The following RASSF3 variants were observed in gnomAD, a reference collection of about 807,000 sequenced individuals.
RASSF3 encodes Ras association domain family member 3, also known as ras association domain-containing protein 3.
In RASSF3, 19 loss-of-function variants were observed where a neutral mutation model predicts 19.9. That is an observed-to-expected ratio of 0.96 (90% CI 0.67 to 1.40). The LOEUF is 1.40. Ranked by LOEUF, RASSF3 falls within the 40% of genes most tolerant of loss-of-function variation. The probability of loss-of-function intolerance (pLI) is 0.00; values close to 1 mark genes in which losing one functional copy is unlikely to be tolerated. For missense variants in RASSF3, 306 were observed against 289.8 expected, an observed-to-expected ratio of 1.06 and a Z score of -0.41; for synonymous variants, 110 against 104.2, an observed-to-expected ratio of 1.06 and a Z score of -0.34.
intron 1 of RASSF3, among the ~76,000 whole-genome samples, chr12:64,622,115 A>G (rs774995566): frequency 6.6e-6 from 1 of 151,882 alleles, no homozygotes; most frequent in Non-Finnish European, 1.5e-5. Flanking sequence ...CAGTGGCGCG[A>G]TCTTGGCTCA....
At chr12:64,541,498 G>T in intron 1 of RASSF3, 1 of 397,382 alleles carries the variant, frequency 2.5e-6, no homozygotes, top group Non-Finnish European at 4.4e-6. Context: ...GAGCAGGGGA[G>T]GGGGTTCAAT....
intron 2 of RASSF3, among the ~76,000 whole-genome samples, chr12:64,595,306 G>C (rs370297459): frequency 3.3e-5 from 5 of 152,072 alleles, no homozygotes; most frequent in African/African-American, 1.2e-4. Flanking sequence ...GACCTCAAGT[G>C]ATCAGCCCGC....
chr12:64,685,016 T>C, intron 2 of RASSF3, 122 bp downstream of exon 2: 2 of 632,210 alleles, frequency 3.2e-6, no homozygotes, highest in South Asian at 3.7e-5. Context: ...AGTCAAGGTA[T>C]ACAGAACAGG....
downstream of RASSF3, among the ~76,000 whole-genome samples, chr12:64,541,890 T>C (rs1394594047): frequency 6.6e-6 from 1 of 152,220 alleles, no homozygotes; most frequent in African/African-American, 2.4e-5. Context: ...TCTTGGGTTA[T>C]AATTTTAGAA....
At position 64,508,017 on chromosome 12, in the gene RASSF3, C is replaced by A. The variant is rs548611784; in HGVS notation, c.169+688C>A. On this transcript the variant is annotated intron_variant, in intron 1 of 5. Transcript: ENST00000637125. ...ACTCTGCAGCACTGGTTGTACTACT[C>A]ACACTACTGTAAGCCAATTCTCTCA... 1.4e-4 allele frequency among the ~76,000 whole-genome samples: 22 copies of A among 152,286 alleles called. 1 individual carries two copies. The highest frequency in any genetic ancestry group is 4.2e-4 in the South Asian group (2 of 4,818).
intron 4 of RASSF3, 142 bp downstream of exon 4, chr12:64,691,721 G>C: frequency 1.6e-6 from 1 of 626,106 alleles, no homozygotes; most frequent in South Asian, 1.9e-5. Flanking sequence ...GAAGAGAGTT[G>C]GAGGGCAGGG....
At chr12:64,542,016 T>G (rs955721608), downstream of RASSF3, among the ~76,000 whole-genome samples, 1 of 152,178 alleles carries the variant, frequency 6.6e-6, no homozygotes, top group African/African-American at 2.4e-5. Context: ...ACAGACATAC[T>G]TCCTGCTGCG....
At chr12:64,576,070 G>A (rs931986372) in intron 2 of RASSF3, among the ~76,000 whole-genome samples, 65 of 151,962 alleles carry the variant, frequency 4.3e-4, no homozygotes, top group African/African-American at 1.6e-3. Flanking sequence ...TATATTTTTA[G>A]TAGAGACAGG....
intron 1 of RASSF3, among the ~76,000 whole-genome samples, chr12:64,641,378 A>G (rs1871511212): frequency 6.8e-6 from 1 of 146,228 alleles, no homozygotes; most frequent in African/African-American, 2.5e-5. Flanking sequence ...CCTGGGTGAC[A>G]GAGTGAGACC....
At chr12:64,665,942 A>T (rs949925921) in intron 1 of RASSF3, among the ~76,000 whole-genome samples, 23 of 152,232 alleles carry the variant, frequency 1.5e-4, no homozygotes, top group African/African-American at 5.5e-4. Flanking sequence ...AGATATAGTG[A>T]AGTGTTCTAT....
chr12:64,608,927 C>T (rs922672127), upstream of RASSF3, among the ~76,000 whole-genome samples: 12 of 152,250 alleles, frequency 7.9e-5, no homozygotes, highest in South Asian at 4.1e-4. Flanking sequence ...AGCTGTGTGG[C>T]CGAGAAGAAG....
intron 2 of RASSF3, among the ~76,000 whole-genome samples, chr12:64,580,748 C>T (rs1869681301): frequency 6.6e-6 from 1 of 152,088 alleles, no homozygotes; most frequent in Non-Finnish European, 1.5e-5. Flanking sequence ...CCCTGGCTTG[C>T]AGCTGTATCA....
chr12:64,653,959 G>A (rs1051730911), intron 1 of RASSF3: 1 of 152,322 alleles, frequency 6.6e-6, no homozygotes, highest in Non-Finnish European at 1.5e-5. Flanking sequence ...CCGGGTTGGT[G>A]GTGGGCTGTT....
At chr12:64,511,987 G>A (rs774947067) in intron 1 of RASSF3, among the ~76,000 whole-genome samples, 9 of 152,136 alleles carry the variant, frequency 5.9e-5, no homozygotes, top group Non-Finnish European at 1.0e-4. Context: ...TTGTAAGGAG[G>A]CAGATGTAAG....
At chr12:64,559,246 C>CTTTT (rs56100965) in intron 2 of RASSF3, among the ~76,000 whole-genome samples, 11,056 of 140,624 alleles carry the variant, frequency 0.079, 523 homozygotes, top group South Asian at 0.14. Flanking sequence ...TTCTTTTTTT[C>CTTTT]TTTTTTTTTT....
intron 2 of RASSF3, among the ~76,000 whole-genome samples, chr12:64,588,310 A>G (rs1434012855): frequency 6.6e-6 from 1 of 152,234 alleles, no homozygotes; most frequent in Non-Finnish European, 1.5e-5. Flanking sequence ...TGCATGATAC[A>G]GAATTGCTGA....
intron 1 of RASSF3, among the ~76,000 whole-genome samples, chr12:64,616,332 G>A (rs1565850732): frequency 6.6e-6 from 1 of 152,168 alleles, no homozygotes; most frequent in Admixed American, 6.5e-5. Flanking sequence ...ATCCAATAAT[G>A]TGGTTATTCT....
At chr12:64,684,221 G>A (rs772076877) in intron 1 of RASSF3, among the ~76,000 whole-genome samples, 15 of 151,052 alleles carry the variant, frequency 9.9e-5, no homozygotes, top group Middle Eastern at 3.2e-3. Context: ...AACTAGCTGC[G>A]ACTACAGGTG....
upstream of RASSF3, among the ~76,000 whole-genome samples, chr12:64,608,804 T>C (rs1870240141): frequency 6.6e-6 from 1 of 152,184 alleles, no homozygotes; most frequent in South Asian, 2.1e-4. Context: ...AAGAAAAATT[T>C]GTCATAAAGC....
Sources: gnomAD v4.1 joint callset for allele counts (sites outside exome capture counted in the v4.1 genomes callset) on GRCh38, gnomAD v4.1.1 for gene constraint, MANE v1.5 for transcripts, NCBI Gene and HGNC (gene_info 2026-07-23, HGNC 2026-07-21) for gene names.